Variants in ANO7 observed in about 807,000 individuals in gnomAD.
The protein encoded by ANO7 is anoctamin-7.
ANO7 carries 114 observed loss-of-function variants against 115.8 expected under a neutral mutation model. The observed-to-expected ratio is 0.98, with a 90% CI of 0.85 to 1.15. The LOEUF (loss-of-function observed/expected upper bound fraction) is 1.15, where lower values mean the gene tolerates loss of function less well. Among genes scored for constraint, ANO7 ranks in the 50% most tolerant of loss-of-function variants. The pLI, the probability that ANO7 is intolerant of heterozygous loss-of-function variation, is 0.00. For missense variants in ANO7, 1,302 were observed against 1,201.2 expected, an observed-to-expected ratio of 1.08 and a Z score of -1.24; for synonymous variants, 550 against 498.2, an observed-to-expected ratio of 1.10 and a Z score of -1.38.
intron 8 of ANO7, among the ~76,000 whole-genome samples, chr2:241,202,712 G>T (rs1004401415): frequency 6.6e-6 from 1 of 152,212 alleles, no homozygotes; most frequent in Non-Finnish European, 1.5e-5. Flanking sequence ...TCCTATCAGC[G>T]TTACCATCAT....
Position 241,223,426 on chromosome 2 carries a change from T to C in ANO7, c.2412+150T>C, listed in dbSNP as rs374263664. On this transcript the variant is annotated intron_variant, in intron 22 of 24. Transcript: ENST00000674324. The stretch of plus-strand genomic sequence containing the variant: ...CAGAGCTCTTCTCTGCACCTGCGTT[T>C]TCCCTGCCTGGCCTCATCCCTGGGT... 10 of 1,089,782 alleles carry C rather than the reference T, an allele frequency of 9.2e-6. No homozygotes were observed. In the African/African-American group the frequency reaches 1.2e-4, roughly 13 times the overall value. The allele number at this position is 1,089,782 out of a possible 1,614,324, so 67.5% of individuals were successfully genotyped here.
At chr2:241,229,559 T>C, downstream of ANO7, 1 of 1,460,018 alleles carries the variant, frequency 6.8e-7, no homozygotes, top group Non-Finnish European at 9.6e-7. Flanking sequence ...TGTGGTTGGG[T>C]TTGGGTCAGC....
chr2:241,228,300 C>T (rs896033766), downstream of ANO7: 1 of 152,384 alleles, frequency 6.6e-6, no homozygotes, highest in African/African-American at 2.4e-5. Context: ...CCTCAGCCCT[C>T]ACAGCATGAC....
At chr2:241,235,516 T>C in the ANO7 span, 1 of 1,614,030 alleles carries the variant, frequency 6.2e-7, no homozygotes, top group South Asian at 1.1e-5. Context: ...ATCTTGCGGA[T>C]CCCACTTCCT....
In ANO7 at chr2:241,208,915, C is replaced by T. The variant is rs561678524; in HGVS notation, c.1078-370C>T. On this transcript the variant is annotated intron_variant, in intron 11 of 24. Transcript: ENST00000674324. ...CTGTAATCCCAGCACTTTGGGAGGC[C>T]AAGGCGGGTGGATCACAAGGTCAGA... 6.8e-3 allele frequency among the ~76,000 whole-genome samples: 1,037 copies of T among 152,140 alleles called. 19 individuals carry two copies. The highest frequency in any genetic ancestry group is 6.8e-3 in the Middle Eastern group (2 of 294).
Position 241,195,808 on chromosome 2 carries a change from T to C in ANO7, c.272T>C (p.Leu91Pro), listed in dbSNP as rs755782302. ...CACAGGACCTGGCGGGAGACTTTTC[T>C]GGATAATCTTCGTGCGGCTGGGCTG... ...DMHRTWRETFLDNLRAAGLCV... is the reference protein window; with the variant it reads ...DMHRTWRETFPDNLRAAGLCV... Residue 91 changes from leucine (L) to proline (P), a missense_variant, in exon 4 of 25, where the codon CTG becomes CCG. Coordinates refer to ENST00000674324, the MANE Select transcript of ANO7 (RefSeq NM_001370694.2). 4 of 1,614,122 alleles carry C rather than the reference T, an allele frequency of 2.5e-6. No homozygotes were observed. In the Admixed American group the frequency reaches 6.7e-5, roughly 27 times the overall value.
At chr2:241,230,224 C>T (rs376382320), downstream of ANO7, 13 of 1,612,664 alleles carry the variant, frequency 8.1e-6, no homozygotes, top group East Asian at 4.5e-5. The surrounding 1 kb of genome is among the most constrained non-coding windows in gnomAD (Gnocchi z 5.0). Context: ...GTCACAGTGA[C>T]GCAGTTGGGG....
chr2:241,209,472 G>T (rs199681738), intron 12 of ANO7, 26 bp from the exon 13 acceptor site: 1 of 1,599,120 alleles, frequency 6.3e-7, no homozygotes, highest in African/African-American at 1.3e-5. Context: ...GGCGAGGGCC[G>T]CCACTGAGCA....
intron 3 of ANO7, among the ~76,000 whole-genome samples, chr2:241,192,835 G>A (rs986917350): frequency 1.3e-5 from 2 of 152,066 alleles, no homozygotes; most frequent in African/African-American, 2.4e-5. Flanking sequence ...AAGGACAAAT[G>A]TGATTCCACT....
chr2:241,213,548 CTG>C (rs2068761207), intron 17 of ANO7, among the ~76,000 whole-genome samples: 1 of 152,250 alleles, frequency 6.6e-6, no homozygotes, highest in Non-Finnish European at 1.5e-5. Flanking sequence ...GTAGTCTCCA[CTG>C]TGCCACAGCC....
the ANO7 span, among the ~76,000 whole-genome samples, chr2:241,234,804 T>C: frequency 6.6e-6 from 1 of 152,214 alleles, no homozygotes; most frequent in Non-Finnish European, 1.5e-5. Context: ...GCATAGCACA[T>C]GCTTGGGGGC....
At position 241,218,329 on chromosome 2, in the gene ANO7, A is replaced by G; in HGVS notation, c.2269A>G (p.Thr757Ala). ...AHDLRGFLNFTLARAPSSFAA... is the reference protein window; with the variant it reads ...AHDLRGFLNFALARAPSSFAA... ...CGACCTGCGCGGCTTCCTCAACTTC[A>G]CGCTGGCGCGAGCCCCGTCCTCCTT... is the stretch of plus-strand genomic sequence containing the variant. Residue 757 changes from threonine to alanine, a missense_variant, in exon 21 of 25, where the codon ACG becomes GCG. Coordinates refer to ENST00000674324, the MANE Select transcript of ANO7 (RefSeq NM_001370694.2). 6.6e-7 allele frequency: 1 copy of G among 1,508,620 alleles called. No individual in the cohort carries two copies. The allele number at this position is 1,508,620 out of a possible 1,614,324, so 93.5% of individuals were successfully genotyped here. A position where few individuals can be genotyped will look rare whatever the true frequency, so the allele number is the denominator to read the frequency against.
rs767152379 is a variant in ANO7, at chr2:241,195,796, G to A, written c.260G>A (p.Arg87Gln). The change falls in exon 4 of 25, where the codon CGG becomes CAG. Residue 87 changes from arginine to glutamine, a missense_variant. By Grantham distance (43) the Arg-to-Gln change is conservative. Coordinates refer to ENST00000674324, the MANE Select transcript of ANO7 (RefSeq NM_001370694.2). ...RDRTDMHRTWRETFLDNLRAA... is the reference protein window; with the variant it reads ...RDRTDMHRTWQETFLDNLRAA... ...AGAACAGACATGCACAGGACCTGGC[G>A]GGAGACTTTTCTGGATAATCTTCGT... is the stretch of plus-strand genomic sequence containing the variant. The A allele has an allele frequency of 6.8e-6, 11 of 1,614,258 alleles. No homozygotes were observed. The East Asian group carries it at 8.9e-5, about 13-fold the overall frequency.
intron 21 of ANO7, among the ~76,000 whole-genome samples, chr2:241,220,976 AAAAAAAAG>A (rs1365571818): frequency 4.0e-5 from 6 of 151,686 alleles, no homozygotes; most frequent in Non-Finnish European, 5.9e-5. Flanking sequence ...GTCTCAGGAA[AAAAAAAAG>A]AAAAAAAGAA....
In ANO7 at chr2:241,199,384, C is replaced by T; in HGVS notation, c.378C>T (p.Cys126=). 1.2e-6 allele frequency: 2 copies of T among 1,613,860 alleles called. No homozygotes were observed. The highest frequency in any genetic ancestry group is 1.7e-6 in the Non-Finnish European group (2 of 1,180,042). The change falls in exon 5 of 25, where the codon TGC becomes TGT. Residue 126 remains cysteine, a synonymous_variant. Coordinates refer to ENST00000674324, the MANE Select transcript of ANO7 (RefSeq NM_001370694.2). ...TCAGCGCCTCCTGGGCTGTGCTCTG[C>T]TACTACGCCGAAGACCTGCGCCTGA... is the stretch of plus-strand genomic sequence containing the variant. The part of the protein sequence containing the change: ...ALLSASWAVL[C]YYAEDLRLKL...
At chr2:241,191,291 C>G (rs1308147714) in intron 3 of ANO7, 40 bp downstream of exon 3, 2 of 1,610,108 alleles carry the variant, frequency 1.2e-6, no homozygotes, top group African/African-American at 2.7e-5. Context: ...CCGTGTTGGT[C>G]CTGAGGGTGG....
At chr2:241,222,669 G>C (rs1246756749) in intron 21 of ANO7, among the ~76,000 whole-genome samples, 1 of 152,086 alleles carries the variant, frequency 6.6e-6, no homozygotes, top group Non-Finnish European at 1.5e-5. Context: ...ATTAGAAAAT[G>C]GAATGTCACA....
chr2:241,226,763 C>G (rs2069187282), downstream of ANO7, among the ~76,000 whole-genome samples: 1 of 152,208 alleles, frequency 6.6e-6, no homozygotes. Context: ...TACCCGTCTT[C>G]CCAGGTGGGG....
Position 241,201,211 on chromosome 2 carries a change from C to T in ANO7, c.555-87C>T. 5 of 1,495,054 alleles carry T rather than the reference C, an allele frequency of 3.3e-6. No homozygotes were observed. The South Asian group carries it at 5.2e-5, about 15-fold the overall frequency. 92.6% of individuals were successfully genotyped at this position (1,495,054 alleles called of 1,614,324 possible). On this transcript the variant is annotated intron_variant, in intron 6 of 24. Transcript: ENST00000674324. ...GGCCCCAAACCTTCTGCACCGTTCA[C>T]ATGCCCGCAGCTTCCTCCAAACCTT...
Sources: allele counts gnomAD v4.1 joint callset (sites outside exome capture counted in the v4.1 genomes callset), GRCh38; gene constraint gnomAD v4.1.1; non-coding constraint Gnocchi (gnomAD v3.1); transcripts MANE v1.5; gene names NCBI Gene and HGNC (gene_info 2026-07-23, HGNC 2026-07-21).